Variants in ARHGAP10 observed in about 807,000 individuals in gnomAD.
ARHGAP10 encodes Rho GTPase activating protein 10, also known as rho GTPase-activating protein 10.
Under a neutral mutation model 108.6 loss-of-function variants are expected in ARHGAP10, and 87 were observed. The ratio of observed to expected loss-of-function variants is 0.80; its 90% CI spans 0.67 to 0.96. ARHGAP10 has a LOEUF of 0.96. ARHGAP10 is among the 40% of genes least tolerant of loss of function. The probability of loss-of-function intolerance (pLI) is 0.00; values close to 1 mark genes in which losing one functional copy is unlikely to be tolerated. For synonymous variants in ARHGAP10, 347 were observed against 341.1 expected, an observed-to-expected ratio of 1.02 and a Z score of -0.19; for missense variants, 939 against 954.5, an observed-to-expected ratio of 0.98 and a Z score of 0.21.
chr4:148,008,834 G>A (rs1741055909), intron 18 of ARHGAP10, among the ~76,000 whole-genome samples: 1 of 152,016 alleles, frequency 6.6e-6, no homozygotes, highest in Admixed American at 6.6e-5. Context: ...CAGAGGCGAT[G>A]ATATTAAGAC....
chr4:147,962,563 A>G (rs547823916), intron 16 of ARHGAP10, among the ~76,000 whole-genome samples: 1 of 152,136 alleles, frequency 6.6e-6, no homozygotes, highest in Non-Finnish European at 1.5e-5. Context: ...CCTGACATAC[A>G]ATCTTTTGAC....
At position 147,879,301 on chromosome 4, in the gene ARHGAP10, A is replaced by T. The variant is rs141883900; in HGVS notation, c.902A>T (p.Asn301Ile). The change falls in exon 9 of 23, where the codon AAC becomes ATC. Residue 301 changes from asparagine (N) to isoleucine (I), a missense_variant. Asn to Ile is a moderately radical substitution (Grantham distance 149). Coordinates refer to ENST00000336498, the MANE Select transcript of ARHGAP10 (RefSeq NM_024605.4). ...TATCGAAAAGCAGCAAAGAAGTTCA[A>T]CATGATCCCATTTGAGCACAGATCT... is the stretch of plus-strand genomic sequence containing the variant. ...CMYRKAAKKF[N>I]MIPFEHRSGG... 6.2e-7 allele frequency: 1 copy of T among 1,614,102 alleles called. No individual in the cohort carries two copies. Among genetic ancestry groups the T allele is most frequent in the Admixed American group, 1.7e-5 (1 of 60,026 alleles).
At chr4:147,781,532 T>C (rs1730530399) in intron 1 of ARHGAP10, among the ~76,000 whole-genome samples, 1 of 152,178 alleles carries the variant, frequency 6.6e-6, no homozygotes, top group Non-Finnish European at 1.5e-5. Flanking sequence ...TATGACATTT[T>C]TGTTTTGTTC....
chr4:148,017,872 A>G (rs1741410983), intron 18 of ARHGAP10, among the ~76,000 whole-genome samples: 3 of 152,078 alleles, frequency 2.0e-5, no homozygotes, highest in Non-Finnish European at 4.4e-5. Flanking sequence ...GAAGTGGTGT[A>G]GTCATTTCCA....
At chr4:147,878,823 C>G (rs1037388733) in intron 8 of ARHGAP10, among the ~76,000 whole-genome samples, 1 of 137,804 alleles carries the variant, frequency 7.3e-6, no homozygotes, top group Middle Eastern at 4.3e-3. Context: ...GTTGCCCAGG[C>G]TGGAGCGCAG....
chr4:148,016,108 A>G (rs1349954510), intron 18 of ARHGAP10, among the ~76,000 whole-genome samples: 1 of 152,206 alleles, frequency 6.6e-6, no homozygotes, highest in East Asian at 1.9e-4. Context: ...CAAGTACCCA[A>G]AAGTTGCAAC....
intron 13 of ARHGAP10, among the ~76,000 whole-genome samples, chr4:147,936,700 G>A (rs1737963076): frequency 1.3e-5 from 2 of 152,196 alleles, no homozygotes; most frequent in African/African-American, 4.8e-5. Context: ...ACTCCTTAGT[G>A]TTCTGAGTAG....
intron 13 of ARHGAP10, among the ~76,000 whole-genome samples, chr4:147,926,625 A>C (rs755696397): frequency 6.6e-6 from 1 of 152,186 alleles, no homozygotes; most frequent in Non-Finnish European, 1.5e-5. Flanking sequence ...TAAAGAGGTA[A>C]GGTTTTGAGT....
At chr4:147,855,121 C>T (rs1205480371) in intron 4 of ARHGAP10, among the ~76,000 whole-genome samples, 1 of 152,244 alleles carries the variant, frequency 6.6e-6, no homozygotes, top group Non-Finnish European at 1.5e-5. Context: ...TGTGACCTTG[C>T]TTTGCAGCAG....
chr4:147,918,379 C>T (rs1038894744), intron 13 of ARHGAP10, among the ~76,000 whole-genome samples: 2 of 152,150 alleles, frequency 1.3e-5, no homozygotes, highest in Admixed American at 6.5e-5. Flanking sequence ...TCGTGATCCA[C>T]CTGCCTCGGC....
chr4:147,863,406 T>A (rs1734410667), intron 5 of ARHGAP10: 1 of 152,320 alleles, frequency 6.6e-6, no homozygotes, highest in African/African-American at 2.4e-5. Context: ...GGTTTATCCA[T>A]GTTGTAGTAT....
At chr4:147,905,908 T>C (rs911860642) in intron 10 of ARHGAP10, among the ~76,000 whole-genome samples, 2 of 152,234 alleles carry the variant, frequency 1.3e-5, no homozygotes, top group African/African-American at 4.8e-5. Flanking sequence ...TTTTCTTTCA[T>C]TGAGCAGTGG....
At chr4:147,948,684 C>T (rs755402053) in intron 15 of ARHGAP10, among the ~76,000 whole-genome samples, 4 of 151,956 alleles carry the variant, frequency 2.6e-5, no homozygotes, top group East Asian at 1.9e-4. Context: ...AGGCCGGGCG[C>T]GGTGGCTCAC....
chr4:147,969,621 C>T (rs1270274234), intron 18 of ARHGAP10, among the ~76,000 whole-genome samples: 1 of 152,156 alleles, frequency 6.6e-6, no homozygotes, highest in Non-Finnish European at 1.5e-5. Flanking sequence ...TTTCATGCTG[C>T]AACTGCCTGT....
chr4:147,792,873 G>A (rs1373893583), intron 1 of ARHGAP10, among the ~76,000 whole-genome samples: 2 of 152,192 alleles, frequency 1.3e-5, no homozygotes, highest in African/African-American at 4.8e-5. Context: ...TAGTTGGCCA[G>A]GCGAGGTGGC....
chr4:148,032,141 AT>A (rs1235648903), intron 19 of ARHGAP10, among the ~76,000 whole-genome samples: 3 of 152,232 alleles, frequency 2.0e-5, no homozygotes, highest in Admixed American at 6.5e-5. Flanking sequence ...AAAATAAATA[AT>A]ATATTACCAT....
At chr4:147,847,040 A>G in intron 3 of ARHGAP10, 111 bp from the exon 4 acceptor site, 2 of 810,834 alleles carry the variant, frequency 2.5e-6, no homozygotes, top group Admixed American at 2.6e-5. Flanking sequence ...TAAAGCCGTT[A>G]AATACGTTCA....
At position 147,965,254 on chromosome 4, in the gene ARHGAP10, TTGTG is replaced by T. The variant is rs1333233303; in HGVS notation, c.1556+131_1556+134del. The T allele has an allele frequency of 1.2e-5, 7 of 606,050 alleles. No individual in the cohort carries two copies. In the Admixed American group the frequency reaches 2.1e-4, roughly 18 times the overall value. The allele number at this position is 606,050 out of a possible 1,614,324, so 37.5% of individuals were successfully genotyped here. The stretch of plus-strand genomic sequence containing the variant: ...AAGGGCAGGCTGAACGTTTGACTCA[TTGTG>T]TGTGTTTTGGATAAGACTGTTGAAA... On this transcript the variant is annotated intron_variant, in intron 17 of 22. Coordinates refer to ENST00000336498, the MANE Select transcript of ARHGAP10 (RefSeq NM_024605.4).
chr4:147,874,928 A>G, intron 7 of ARHGAP10, 93 bp from the exon 8 acceptor site: 4 of 1,295,372 alleles, frequency 3.1e-6, no homozygotes, highest in Non-Finnish European at 4.0e-6. Context: ...AGAGTTAAAA[A>G]ATGTAATTAC....
Sources: gnomAD v4.1 joint callset for allele counts (sites outside exome capture counted in the v4.1 genomes callset) on GRCh38, gnomAD v4.1.1 for gene constraint, MANE v1.5 for transcripts, NCBI Gene and HGNC (gene_info 2026-07-23, HGNC 2026-07-21) for gene names.